ANO4: variants seen among roughly 807,000 people sequenced by gnomAD.
The protein encoded by ANO4 is anoctamin-4.
Under a neutral mutation model 141.9 loss-of-function variants are expected in ANO4, and 69 were observed. The ratio of observed to expected loss-of-function variants is 0.49; its 90% CI spans 0.40 to 0.59. ANO4 has a LOEUF of 0.59. ANO4 is among the 20% of genes least tolerant of loss of function. The pLI is 0.00. For synonymous variants in ANO4, 350 were observed against 394.3 expected (o/e 0.89, Z 1.33); for missense variants, 894 against 1,162.2 (o/e 0.77, Z 3.36).
At chr12:100,990,175 A>G (rs2045024655) in intron 8 of ANO4, among the ~76,000 whole-genome samples, 1 of 147,372 alleles carries the variant, frequency 6.8e-6, no homozygotes, top group Admixed American at 6.9e-5. Context: ...AATGGAAGAA[A>G]AAAATGAATG....
At chr12:100,788,772 T>C (rs539497692) in intron 3 of ANO4, among the ~76,000 whole-genome samples, 104 of 152,054 alleles carry the variant, frequency 6.8e-4, no homozygotes, top group Middle Eastern at 3.4e-3. Context: ...GAAGAAACAG[T>C]CCTTGCCTGA....
intron 1 of ANO4, among the ~76,000 whole-genome samples, chr12:100,874,650 G>A (rs1043978276): frequency 1.8e-4 from 27 of 152,132 alleles, no homozygotes; most frequent in Admixed American, 2.0e-4. Context: ...CTCCCAAGTA[G>A]ATGGAATTAC....
intron 3 of ANO4, among the ~76,000 whole-genome samples, chr12:100,929,576 A>G (rs1165749495): frequency 6.6e-6 from 1 of 152,162 alleles, no homozygotes; most frequent in Non-Finnish European, 1.5e-5. Flanking sequence ...TGCAGTAAAC[A>G]TGAGAGTGCA....
intron 2 of ANO4, among the ~76,000 whole-genome samples, chr12:100,902,390 A>T (rs1388269775): frequency 6.6e-6 from 1 of 152,206 alleles, no homozygotes; most frequent in Non-Finnish European, 1.5e-5. Flanking sequence ...TTATGTGCTT[A>T]TTTGGGGGAA....
chr12:100,759,554 A>T (rs578247875), intron 3 of ANO4, among the ~76,000 whole-genome samples: 33 of 152,216 alleles, frequency 2.2e-4, no homozygotes, highest in Non-Finnish European at 3.7e-4. Flanking sequence ...AAGACCCGAG[A>T]ACCCTCCCAC....
chr12:100,759,216 T>G (rs1239066772), intron 3 of ANO4, among the ~76,000 whole-genome samples: 2 of 152,208 alleles, frequency 1.3e-5, no homozygotes, highest in Admixed American at 6.5e-5. Flanking sequence ...TGCTTTCTGC[T>G]GCATCATATT....
intron 1 of ANO4, among the ~76,000 whole-genome samples, chr12:100,900,606 T>TA (rs2136025021): frequency 6.6e-6 from 1 of 152,214 alleles, no homozygotes; most frequent in Non-Finnish European, 1.5e-5. Context: ...GTGGAACATA[T>TA]ACACCACGGA....
chr12:101,127,085 G>A lies in ANO4; in HGVS notation c.*4+11G>A, dbSNP rs1222440532. 1.9e-6 allele frequency: 3 copies of A among 1,607,432 alleles called. No homozygotes were observed. Among genetic ancestry groups the A allele is most frequent in the Non-Finnish European group, 2.6e-6 (3 of 1,176,356 alleles). ...AGTGGCCGTGACCATGTAGGTGAGA[G>A]GTGTGCTCAGCGTCTGAGGCCATTC... On this transcript the variant is annotated intron_variant, in intron 27 of 27. Coordinates refer to ENST00000392977, the MANE Select transcript of ANO4 (RefSeq NM_001286615.2).
rs139425270 is a variant in ANO4 at position 100,820,501 on chromosome 12, C to T, written c.-141+25474C>T. Among the ~76,000 whole-genome samples, 370 of 152,086 alleles carry T rather than the reference C, an allele frequency of 2.4e-3. 2 individuals carry two copies. Among genetic ancestry groups the T allele is most frequent in the African/African-American group, 8.2e-3 (341 of 41,532 alleles). ...TGTGGCATTACTGTCTCAAGGAAAG[C>T]CAAATGCATGCCTCAGAATTGAGAA... On this transcript the variant is annotated intron_variant, in intron 1 of 27. Coordinates refer to ENST00000392977, the MANE Select transcript of ANO4 (RefSeq NM_001286615.2).
intron 3 of ANO4, among the ~76,000 whole-genome samples, chr12:100,754,720 G>A (rs34588809): frequency 0.049 from 7,417 of 152,164 alleles, 253 homozygotes; most frequent in Non-Finnish European, 0.079. Context: ...ATTATACAAT[G>A]GTATATTATT....
chr12:100,972,033 T>A (rs2043957374), intron 6 of ANO4, among the ~76,000 whole-genome samples: 1 of 152,236 alleles, frequency 6.6e-6, no homozygotes, highest in Non-Finnish European at 1.5e-5. Context: ...CTATGGATTA[T>A]GGAAAAGTGA....
At chr12:100,786,822 G>C (rs2033888016) in intron 3 of ANO4, among the ~76,000 whole-genome samples, 1 of 152,162 alleles carries the variant, frequency 6.6e-6, no homozygotes, top group South Asian at 2.1e-4. Context: ...TAATAAATGA[G>C]CTAATTAGAA....
At chr12:100,906,967 A>G (rs1220929070) in intron 2 of ANO4, among the ~76,000 whole-genome samples, 6 of 152,170 alleles carry the variant, frequency 3.9e-5, no homozygotes, top group Non-Finnish European at 5.9e-5. Context: ...CAATCTGAGA[A>G]GAGATTGACG....
At chr12:100,989,223 T>C (rs1471145616) in intron 8 of ANO4, among the ~76,000 whole-genome samples, 1 of 152,130 alleles carries the variant, frequency 6.6e-6, no homozygotes, top group Non-Finnish European at 1.5e-5. Context: ...CTCAAAATCT[T>C]AGTTCGATCC....
At chr12:100,927,832 A>T (rs2041934385) in intron 3 of ANO4, among the ~76,000 whole-genome samples, 2 of 151,680 alleles carry the variant, frequency 1.3e-5, no homozygotes, top group African/African-American at 4.8e-5. Context: ...AATGGCATCC[A>T]TACCCTGAAA....
intron 1 of ANO4, among the ~76,000 whole-genome samples, chr12:100,865,852 C>T (rs2038727427): frequency 6.6e-6 from 1 of 152,082 alleles, no homozygotes; most frequent in Non-Finnish European, 1.5e-5. Context: ...GTTTATCTCC[C>T]CCAGGTCTGA....
intron 4 of ANO4, among the ~76,000 whole-genome samples, chr12:100,941,868 A>C (rs2042530317): frequency 6.6e-6 from 1 of 151,684 alleles, no homozygotes; most frequent in Non-Finnish European, 1.5e-5. Flanking sequence ...CATTTTGCGC[A>C]CTTAACTCAA....
At chr12:101,126,055 G>T (rs995951839) in intron 26 of ANO4, among the ~76,000 whole-genome samples, 1 of 152,110 alleles carries the variant, frequency 6.6e-6, no homozygotes, top group African/African-American at 2.4e-5. Flanking sequence ...TTTTCAAATA[G>T]AATTTTCCAT....
chr12:100,904,821 G>A (rs2040762460), intron 2 of ANO4, among the ~76,000 whole-genome samples: 2 of 152,122 alleles, frequency 1.3e-5, no homozygotes, highest in South Asian at 4.2e-4. Flanking sequence ...TAGGAGGAGA[G>A]GATAAAAGGA....
Sources: allele counts gnomAD v4.1 joint callset (sites outside exome capture counted in the v4.1 genomes callset), GRCh38; gene constraint gnomAD v4.1.1; transcripts MANE v1.5; gene names NCBI Gene and HGNC (gene_info 2026-07-23, HGNC 2026-07-21).